The following FBXO11 variants were observed in gnomAD, a reference collection of about 807,000 sequenced individuals.
FBXO11 encodes the protein F-box only protein 11.
A neutral mutation model predicts 117.0 loss-of-function variants in FBXO11; 13 were observed. That is an observed-to-expected ratio of 0.11 (90% CI 0.07 to 0.18). The LOEUF is 0.18. FBXO11 is among the 10% of genes least tolerant of loss of function. The pLI, the probability that FBXO11 is intolerant of heterozygous loss-of-function variation, is 1.00. For missense variants in FBXO11, 767 were observed against 1,164.4 expected (o/e 0.66, Z 4.97); for synonymous variants, 490 against 380.5 (o/e 1.29, Z -3.35).
In FBXO11 at chr2:47,905,726, G is replaced by C; in HGVS notation, c.-6C>G. 4 of 1,524,754 alleles carry C rather than the reference G, an allele frequency of 2.6e-6. No individual in the cohort carries two copies. The highest frequency in any genetic ancestry group is 3.5e-6 in the Non-Finnish European group (4 of 1,138,728). The allele number at this position is 1,524,754 out of a possible 1,614,324, so 94.5% of individuals were successfully genotyped here. A position where few individuals can be genotyped will look rare whatever the true frequency, so the allele number is the denominator to read the frequency against. ...GCGGCTCGGACGGAGTTCATTTGCCGGGCTGAGGTGGCGGCGTTGGCGGAG... is the reference window on the plus strand; with the variant it reads ...GCGGCTCGGACGGAGTTCATTTGCCCGGCTGAGGTGGCGGCGTTGGCGGAG... On this transcript the variant is annotated 5_prime_UTR_variant, in exon 1 of 23. Transcript: ENST00000403359.
chr2:47,832,656 A>G lies in FBXO11; in HGVS notation c.1176T>C (p.Ser392=), dbSNP rs562061726. The G allele has an allele frequency of 6.2e-7, 1 of 1,613,916 alleles. No homozygotes were observed. The highest frequency in any genetic ancestry group is 2.2e-5 in the East Asian group (1 of 44,860). The change falls in exon 10 of 23, where the codon AGT becomes AGC. Residue 392 remains serine, a synonymous_variant. Coordinates refer to ENST00000403359, the MANE Select transcript of FBXO11 (RefSeq NM_001190274.2). ...TCTVGSAVCV[S]GQGACPTIKH... Reference sequence around the variant, plus strand: ...TGATGGTGGGACATGCTCCTTGACCACTAACACATACTGCAGAACCAACTG... The same window carrying G: ...TGATGGTGGGACATGCTCCTTGACCGCTAACACATACTGCAGAACCAACTG...
intron 7 of FBXO11, 101 bp downstream of exon 7, chr2:47,834,478 G>C: frequency 1.2e-6 from 1 of 823,784 alleles, no homozygotes; most frequent in East Asian, 2.7e-5. Context: ...TTTACCAGCA[G>C]GATATTATAA....
chr2:47,859,051 A>C (rs1365017539), intron 1 of FBXO11, among the ~76,000 whole-genome samples: 1 of 151,540 alleles, frequency 6.6e-6, no homozygotes, highest in Non-Finnish European at 1.5e-5. Context: ...CAAAAAAAAA[A>C]AAAAAAAGAA....
intron 17 of FBXO11, 65 bp downstream of exon 17, chr2:47,813,726 C>G (rs1670798767): frequency 2.2e-6 from 3 of 1,378,270 alleles, no homozygotes; most frequent in Non-Finnish European, 2.0e-6. Flanking sequence ...AGCCACCGTG[C>G]CCGGCCTAGA....
At chr2:47,858,506 T>C (rs569538638) in intron 1 of FBXO11, among the ~76,000 whole-genome samples, 2 of 149,484 alleles carry the variant, frequency 1.3e-5, no homozygotes, top group Admixed American at 1.3e-4. Context: ...TCATGGTGTA[T>C]CCCCGTCTCT....
At chr2:47,825,686 C>CTG (rs1377303772) in intron 11 of FBXO11, among the ~76,000 whole-genome samples, 6 of 151,518 alleles carry the variant, frequency 4.0e-5, no homozygotes, top group Non-Finnish European at 8.8e-5. Context: ...AAACGATCCT[C>CTG]CCCACTCAAC....
At chr2:47,815,658 T>C (rs1204865011) in intron 16 of FBXO11, among the ~76,000 whole-genome samples, 1 of 152,232 alleles carries the variant, frequency 6.6e-6, no homozygotes, top group Admixed American at 6.5e-5. Context: ...CAGAGGACTT[T>C]AGCAAAGCCT....
At chr2:47,863,975 T>C (rs1199845312) in intron 1 of FBXO11, among the ~76,000 whole-genome samples, 1 of 151,300 alleles carries the variant, frequency 6.6e-6, no homozygotes, top group African/African-American at 2.4e-5. Flanking sequence ...TAAAGACAAA[T>C]CAATAAATCT....
intron 19 of FBXO11, 139 bp downstream of exon 19, chr2:47,810,177 T>C (rs1670519154): frequency 1.7e-6 from 1 of 588,112 alleles, no homozygotes; most frequent in East Asian, 2.9e-5. Flanking sequence ...GGTGCTCTTG[T>C]AAGTGAATGA....
At chr2:47,850,116 T>C (rs1459218285) in intron 1 of FBXO11, among the ~76,000 whole-genome samples, 2 of 152,092 alleles carry the variant, frequency 1.3e-5, no homozygotes, top group Non-Finnish European at 2.9e-5. Context: ...AATGGATATA[T>C]GAGATACAAG....
intron 1 of FBXO11, among the ~76,000 whole-genome samples, chr2:47,851,316 T>G (rs963153776): frequency 2.0e-5 from 3 of 151,054 alleles, no homozygotes; most frequent in African/African-American, 7.3e-5. Flanking sequence ...AACCTCTGCC[T>G]GCCAGGTTCA....
At chr2:47,901,667 C>G (rs904838030) in intron 1 of FBXO11, among the ~76,000 whole-genome samples, 1 of 151,978 alleles carries the variant, frequency 6.6e-6, no homozygotes, top group Non-Finnish European at 1.5e-5. Flanking sequence ...GTGGTGCAAT[C>G]TCAGTTCAAA....
chr2:47,859,095 A>G (rs1384744914), intron 1 of FBXO11, among the ~76,000 whole-genome samples: 1 of 151,988 alleles, frequency 6.6e-6, no homozygotes, highest in African/African-American at 2.4e-5. Flanking sequence ...AATAGCTATA[A>G]AATTAAAGGA....
At chr2:47,808,287 G>A (rs1022818795) in intron 22 of FBXO11, 40 bp from the exon 23 acceptor site, 9 of 1,612,398 alleles carry the variant, frequency 5.6e-6, no homozygotes, top group African/African-American at 1.3e-5. Flanking sequence ...AAAGTGAGGG[G>A]GAAAGTAATT....
At chr2:47,873,388 T>C (rs895891818) in intron 1 of FBXO11, among the ~76,000 whole-genome samples, 1 of 152,214 alleles carries the variant, frequency 6.6e-6, no homozygotes, top group African/African-American at 2.4e-5. Flanking sequence ...AACTGCTCTT[T>C]TTAAAGTCTT....
intron 1 of FBXO11, among the ~76,000 whole-genome samples, chr2:47,901,749 C>A (rs1393644723): frequency 1.3e-5 from 2 of 152,102 alleles, no homozygotes; most frequent in African/African-American, 4.8e-5. Flanking sequence ...AAGCTTTCCT[C>A]ATACTTTGTA....
intron 7 of FBXO11, among the ~76,000 whole-genome samples, chr2:47,833,753 A>T (rs949120457): frequency 2.6e-5 from 4 of 152,218 alleles, no homozygotes; most frequent in African/African-American, 9.7e-5. Flanking sequence ...TAGAAATATT[A>T]GCATCTTTCT....
At position 47,839,741 on chromosome 2, in the gene FBXO11, T is replaced by G; in HGVS notation, c.261A>C (p.Ala87=). ...TTTGTGCACCAGGACCTGATTCTTC[T>G]GCAACCATATCTGCAGGCACATCAT... ...RDDDVPADMV[A]EESGPGAQNS... is the part of the protein sequence containing the mutation. The change falls in exon 2 of 23, where the codon GCA becomes GCC. Residue 87 remains alanine, a synonymous_variant. Coordinates refer to ENST00000403359, the MANE Select transcript of FBXO11 (RefSeq NM_001190274.2). The G allele has an allele frequency of 6.2e-7, 1 of 1,613,890 alleles. No homozygotes were observed. The highest frequency in any genetic ancestry group is 8.5e-7 in the Non-Finnish European group (1 of 1,179,942).
intron 1 of FBXO11, among the ~76,000 whole-genome samples, chr2:47,847,539 T>C (rs767030300): frequency 3.3e-5 from 5 of 151,756 alleles, no homozygotes; most frequent in Non-Finnish European, 7.4e-5. Context: ...TGAAACTCTG[T>C]CTCTACCAAA....
Sources: gnomAD v4.1 joint callset for allele counts (sites outside exome capture counted in the v4.1 genomes callset) on GRCh38, gnomAD v4.1.1 for gene constraint, MANE v1.5 for transcripts, NCBI Gene and HGNC (gene_info 2026-07-23, HGNC 2026-07-21) for gene names.